The following ZBTB7B variants were observed in gnomAD, a reference collection of about 807,000 sequenced individuals.
ZBTB7B encodes the protein zinc finger and BTB domain containing 7B.
ZBTB7B carries 8 observed loss-of-function variants against 31.0 expected under a neutral mutation model. That is an observed-to-expected ratio of 0.26 (90% confidence interval 0.15 to 0.47). The LOEUF is 0.47. Ranked by LOEUF, ZBTB7B falls within the 20% of genes least tolerant of loss-of-function variation. The probability of loss-of-function intolerance (pLI) is 0.99; values close to 1 mark genes in which losing one functional copy is unlikely to be tolerated. For missense variants in ZBTB7B, 494 were observed against 742.4 expected (o/e 0.67, Z 3.89); for synonymous variants, 261 against 307.3 (o/e 0.85, Z 1.58).
At chr1:155,008,475 C>T (rs549126041) in intron 1 of ZBTB7B, among the ~76,000 whole-genome samples, 1 of 152,128 alleles carries the variant, frequency 6.6e-6, no homozygotes, top group African/African-American at 2.4e-5. Context: ...GACCCAGGCA[C>T]CTGTCACCCC....
rs1658942783 is a variant in ZBTB7B, at chr1:155,011,125, G to A, written c.-6-3530G>A. On this transcript the variant is annotated intron_variant, in intron 1 of 2. Coordinates refer to ENST00000535420, the MANE Select transcript of ZBTB7B (RefSeq NM_001256455.2). Reference sequence around the variant, plus strand: ...TTCCGCCTGCTGCCCCCCACACTAAGCCTCACTCCCCTAATCCCCAGGGTG... The same window carrying A: ...TTCCGCCTGCTGCCCCCCACACTAAACCTCACTCCCCTAATCCCCAGGGTG... 4 of 1,013,790 alleles carry A rather than the reference G, an allele frequency of 3.9e-6. 1 individual carries two copies. Among genetic ancestry groups the A allele is most frequent in the Admixed American group, 4.2e-5 (2 of 47,410 alleles). The allele number at this position is 1,013,790 out of a possible 1,614,324, so 62.8% of individuals were successfully genotyped here. A position where few individuals can be genotyped will look rare whatever the true frequency, so the allele number is the denominator to read the frequency against.
rs1658427245 is a variant in ZBTB7B, at chr1:155,004,282, T to A, written c.-7+1339T>A. On this transcript the variant is annotated intron_variant, in intron 1 of 2. Transcript: ENST00000535420. The surrounding 1 kb of genome is among the most constrained non-coding windows in gnomAD (Gnocchi z 4.0). The stretch of plus-strand genomic sequence containing the variant: ...CCCGAATGCCTTGGAGACCCCTAGC[T>A]GCAGCCGAGAATGGGAATGAGTCAG... Among the ~76,000 whole-genome samples the A allele has an allele frequency of 6.6e-6, 1 of 152,168 alleles. No individual in the cohort carries two copies. Among genetic ancestry groups the A allele is most frequent in the South Asian group, 2.1e-4 (1 of 4,832 alleles).
chr1:155,011,717 T>C (rs1013503038), intron 1 of ZBTB7B, among the ~76,000 whole-genome samples: 2 of 152,172 alleles, frequency 1.3e-5, no homozygotes, highest in African/African-American at 2.4e-5. Context: ...GCATGCCAGA[T>C]TGGGTGGGGA....
At chr1:155,007,722 G>A (rs372916234) in intron 1 of ZBTB7B, among the ~76,000 whole-genome samples, 1 of 152,142 alleles carries the variant, frequency 6.6e-6, no homozygotes, top group East Asian at 1.9e-4. Context: ...GGCATGGGGC[G>A]CTGGGAGCAG....
rs1571527946 is a variant in ZBTB7B, at chr1:155,015,314, C to T, written c.654C>T (p.His218=). 6.2e-7 allele frequency: 1 copy of T among 1,608,702 alleles called. No homozygotes were observed. Among genetic ancestry groups the T allele is most frequent in the African/African-American group, 1.3e-5 (1 of 74,848 alleles). ...AAACCAAGGGGGCCAGAGCAAACCA[C>T]CTAGTCCCTGAGGTGCCCACAGTGC... ...FLQTKGARAN[H]LVPEVPTVPA... The change falls in exon 2 of 3, where the codon CAC becomes CAT. Residue 218 remains histidine, a synonymous_variant. Transcript: ENST00000535420.
chr1:155,010,984 G>A (rs780795009), intron 1 of ZBTB7B: 3 of 1,535,640 alleles, frequency 2.0e-6, no homozygotes, highest in Non-Finnish European at 2.6e-6. Context: ...GCCTGGCCAG[G>A]CCCCTCTCAG....
At position 155,003,556 on chromosome 1, in the gene ZBTB7B, G is replaced by A. The variant is rs566608074; in HGVS notation, c.-7+613G>A. Among the ~76,000 whole-genome samples the A allele has an allele frequency of 1.3e-5, 2 of 152,262 alleles. No homozygotes were observed. Among genetic ancestry groups the A allele is most frequent in the South Asian group, 2.1e-4 (1 of 4,828 alleles). On this transcript the variant is annotated intron_variant, in intron 1 of 2. Coordinates refer to ENST00000535420, the MANE Select transcript of ZBTB7B (RefSeq NM_001256455.2). The surrounding 1 kb of genome is among the most constrained non-coding windows in gnomAD (Gnocchi z 5.8). ...ACCTCTGAACCGACATAGAACGACC[G>A]CTCTCTTCCCTGCCCCTCAATCCCA... is the stretch of plus-strand genomic sequence containing the variant.
At chr1:155,001,874 C>T (rs1436893816), upstream of ZBTB7B, among the ~76,000 whole-genome samples, 1 of 151,990 alleles carries the variant, frequency 6.6e-6, no homozygotes, top group Non-Finnish European at 1.5e-5. This position sits in a 1 kb window ranked among gnomAD's most constrained non-coding sequence, Gnocchi z 4.8. Flanking sequence ...GGCGTAGGGG[C>T]CGGAGCCGAA....
Position 155,003,521 on chromosome 1 carries a change from C to T in ZBTB7B, c.-7+578C>T, listed in dbSNP as rs1273181985. ...CGCGCTCTCTCCAGCGGTAGTGGGG[C>T]TCAGCAACAACCTCTGAACCGACAT... On this transcript the variant is annotated intron_variant, in intron 1 of 2. Coordinates refer to ENST00000535420, the MANE Select transcript of ZBTB7B (RefSeq NM_001256455.2). This position sits in a 1 kb window ranked among gnomAD's most constrained non-coding sequence, Gnocchi z 5.8. 6.6e-6 allele frequency among the ~76,000 whole-genome samples: 1 copy of T among 152,180 alleles called. No homozygotes were observed. Among genetic ancestry groups the T allele is most frequent in the Non-Finnish European group, 1.5e-5 (1 of 68,012 alleles).
intron 1 of ZBTB7B, chr1:155,014,191 A>G (rs1659192450): frequency 1.5e-6 from 1 of 651,106 alleles, no homozygotes; most frequent in African/African-American, 2.0e-5. Context: ...GCCAGCTGCC[A>G]GTACCACCCC....
chr1:155,007,791 G>A (rs977074590), intron 1 of ZBTB7B, among the ~76,000 whole-genome samples: 1 of 152,126 alleles, frequency 6.6e-6, no homozygotes, highest in Admixed American at 6.5e-5. Flanking sequence ...GGTGCCAACC[G>A]GGCCGGGAGC....
chr1:155,005,116 C>T (rs906308988), intron 1 of ZBTB7B, among the ~76,000 whole-genome samples: 6 of 151,924 alleles, frequency 3.9e-5, no homozygotes, highest in Non-Finnish European at 5.9e-5. Context: ...AGGGAGGGTG[C>T]GGCGGGCAGC....
chr1:155,016,838 C>G lies in ZBTB7B; in HGVS notation c.*153C>G, dbSNP rs368249468. The G allele has an allele frequency of 3.1e-4, 183 of 592,044 alleles. 2 individuals carry two copies. The Middle Eastern group carries it at 5.7e-3, about 18-fold the overall frequency. The allele number at this position is 592,044 out of a possible 1,614,324, so 36.7% of individuals were successfully genotyped here. On this transcript the variant is annotated 3_prime_UTR_variant, in exon 3 of 3. Transcript: ENST00000535420. This position sits in a 1 kb window ranked among gnomAD's most constrained non-coding sequence, Gnocchi z 4.3. ...CCTCCCAGAGCCCTCATTCCAATTC[C>G]AAGCTAAGAAGGTATTGGGGCAGAG...
intron 1 of ZBTB7B, among the ~76,000 whole-genome samples, chr1:155,008,321 G>A (rs1469143892): frequency 1.3e-5 from 2 of 152,190 alleles, no homozygotes; most frequent in African/African-American, 2.4e-5. Context: ...TGGGGAGGGC[G>A]GGGTGCCGCC....
At position 155,015,259 on chromosome 1, in the gene ZBTB7B, G is replaced by C; in HGVS notation, c.599G>C (p.Arg200Pro). 1 of 1,613,566 alleles carries C rather than the reference G, an allele frequency of 6.2e-7. No individual in the cohort carries two copies. Among genetic ancestry groups the C allele is most frequent in the Non-Finnish European group, 8.5e-7 (1 of 1,179,930 alleles). ...PPPPPRPVAR[R>P]SRKPRKAFLQ... is the part of the protein sequence containing the mutation. ...CCGCCACCTCGGCCTGTTGCCCGCC[G>C]CAGCCGCAAGCCCCGGAAAGCTTTC... The change falls in exon 2 of 3, where the codon CGC becomes CCC. Residue 200 changes from arginine to proline, a missense_variant. Physicochemically the swap from Arg to Pro is moderately radical, Grantham distance 103. This residue lies in a region of ZBTB7B where 216 missense variants were observed against 229.3 expected (regional missense o/e 0.94). Coordinates refer to ENST00000535420, the MANE Select transcript of ZBTB7B (RefSeq NM_001256455.2).
chr1:155,004,510 C>T lies in ZBTB7B; in HGVS notation c.-7+1567C>T, dbSNP rs1658440094. On this transcript the variant is annotated intron_variant, in intron 1 of 2. Transcript: ENST00000535420. The surrounding 1 kb of genome is among the most constrained non-coding windows in gnomAD (Gnocchi z 4.0). ...CCCCACACACACCAACTGGTTTGGT[C>T]ACCCCTGTACCCGCCTGGCACTGCT... Among the ~76,000 whole-genome samples the T allele has an allele frequency of 6.6e-6, 1 of 152,096 alleles. No homozygotes were observed. The highest frequency in any genetic ancestry group is 2.4e-5 in the African/African-American group (1 of 41,386).
At position 155,016,713 on chromosome 1, in the gene ZBTB7B, C is replaced by A; in HGVS notation, c.*28C>A. ...AGGGACGAGGGCCAGACTGAAGCAG[C>A]ACAAGGCCGGGGACACCCATGCCAA... On this transcript the variant is annotated 3_prime_UTR_variant, in exon 3 of 3. Coordinates refer to ENST00000535420, the MANE Select transcript of ZBTB7B (RefSeq NM_001256455.2). This position sits in a 1 kb window ranked among gnomAD's most constrained non-coding sequence, Gnocchi z 4.3. 7.5e-7 allele frequency: 1 copy of A among 1,331,668 alleles called. No individual in the cohort carries two copies. The highest frequency in any genetic ancestry group is 1.0e-6 in the Non-Finnish European group (1 of 977,922). 82.5% of individuals were successfully genotyped at this position (1,331,668 alleles called of 1,614,324 possible).
chr1:155,014,850 A>G lies in ZBTB7B; in HGVS notation c.190A>G (p.Thr64Ala). The change falls in exon 2 of 3, where the codon ACT becomes GCT. Residue 64 changes from threonine to alanine, a missense_variant. Physicochemically the swap from Thr to Ala is moderately conservative, Grantham distance 58 (BLOSUM62 0). Coordinates refer to ENST00000535420, the MANE Select transcript of ZBTB7B (RefSeq NM_001256455.2). ...TAGCCACTACTTCAAGAAGCTTTTC[A>G]CTGAGGGCGGTGGCGGAGCTGTCAT... ...ACSHYFKKLF[T>A]EGGGGAVMGA... 6.2e-7 allele frequency: 1 copy of G among 1,614,162 alleles called. No homozygotes were observed. The highest frequency in any genetic ancestry group is 8.5e-7 in the Non-Finnish European group (1 of 1,180,020).
chr1:155,012,811 CAA>C (rs776363349), intron 1 of ZBTB7B, among the ~76,000 whole-genome samples: 2 of 122,936 alleles, frequency 1.6e-5, no homozygotes, highest in Admixed American at 8.0e-5. Flanking sequence ...CCCCCCCACC[CAA>C]AAAAAAAAAA....
Sources: gnomAD v4.1 joint callset for allele counts (sites outside exome capture counted in the v4.1 genomes callset) on GRCh38, gnomAD v4.1.1 for gene constraint, gnomAD v4.1.1 regional missense constraint, Gnocchi (gnomAD v3.1) non-coding constraint, MANE v1.5 for transcripts, NCBI Gene and HGNC (gene_info 2026-07-23, HGNC 2026-07-21) for gene names.